The following SYNGR3 variants were observed in gnomAD, a reference collection of about 807,000 sequenced individuals.
SYNGR3 encodes the protein synaptogyrin-3.
SYNGR3 carries 10 observed loss-of-function variants against 18.5 expected under a neutral mutation model. That is an observed-to-expected ratio of 0.54 (90% confidence interval 0.33 to 0.92). SYNGR3 has a LOEUF of 0.92. Ranked by LOEUF, SYNGR3 falls within the 40% of genes least tolerant of loss-of-function variation. The pLI, the probability that SYNGR3 is intolerant of heterozygous loss-of-function variation, is 0.02. For synonymous variants in SYNGR3, 188 were observed against 157.2 expected (o/e 1.20, Z -1.47); for missense variants, 335 against 332.8 (o/e 1.01, Z -0.05).
chr16:1,993,142 C>T lies in SYNGR3; in HGVS notation c.*70C>T, dbSNP rs771723536. ...GCAGGCCCCAGGGTCTCCGGGACCT[C>T]CCTTGGGTCCTTCCAGCTCAGTGCC... On this transcript the variant is annotated 3_prime_UTR_variant, in exon 4 of 4. Coordinates refer to ENST00000248121, the MANE Select transcript of SYNGR3 (RefSeq NM_004209.6). 3.3e-6 allele frequency: 5 copies of T among 1,522,306 alleles called. No individual in the cohort carries two copies. The highest frequency in any genetic ancestry group is 4.4e-6 in the Non-Finnish European group (5 of 1,126,254). The allele number at this position is 1,522,306 out of a possible 1,614,324, so 94.3% of individuals were successfully genotyped here.
In SYNGR3 at chr16:1,992,787, G is replaced by A; in HGVS notation, c.480+9G>A. 2 of 1,538,630 alleles carry A rather than the reference G, an allele frequency of 1.3e-6. No homozygotes were observed. On this transcript the variant is annotated intron_variant, in intron 3 of 3. Transcript: ENST00000248121. ...TCTCCATCCTCAGCTGGGTGAGTGC[G>A]GGGCCCGGGAGGGCGGGGCGAAGGG...
Position 1,991,951 on chromosome 16 carries a change from C to G in SYNGR3, c.100-23C>G, listed in dbSNP as rs930800161. 1.9e-6 allele frequency: 3 copies of G among 1,577,866 alleles called. No individual in the cohort carries two copies. In the Admixed American group the frequency reaches 5.3e-5, roughly 28 times the overall value. On this transcript the variant is annotated intron_variant, in intron 1 of 3. Coordinates refer to ENST00000248121, the MANE Select transcript of SYNGR3 (RefSeq NM_004209.6). ...CGCAGAGGTCGGGTCGCCGCAGGGC[C>G]CTGAGCGCCGCGCCGCACGCAGGTG...
chr16:1,993,000 G>A lies in SYNGR3; in HGVS notation c.618G>A (p.Glu206=). 6.2e-7 allele frequency: 1 copy of A among 1,612,162 alleles called. No homozygotes were observed. Among genetic ancestry groups the A allele is most frequent in the South Asian group, 1.1e-5 (1 of 91,038 alleles). ...YPVGSGVEGT[E]TYQSPPFTET... ...TGGGCAGCGGCGTGGAGGGCACCGA[G>A]ACCTACCAGAGCCCGCCCTTCACCG... The change falls in exon 4 of 4, where the codon GAG becomes GAA. Residue 206 remains glutamate, a synonymous_variant. Transcript: ENST00000248121.
In SYNGR3 at chr16:1,990,167, G is replaced by A; in HGVS notation, c.65G>A (p.Arg22Gln). Residue 22 changes from arginine (R) to glutamine (Q), a missense_variant, in exon 1 of 4, where the codon CGG becomes CAG. Transcript: ENST00000248121. Reference protein sequence around the residue: ...GAALDPVSFARRPQTLLRVAS... With the variant: ...GAALDPVSFAQRPQTLLRVAS... ...GCCCTGGACCCCGTGAGCTTTGCGC[G>A]GCGGCCCCAGACCCTGCTCCGGGTC... The A allele has an allele frequency of 4.0e-6, 5 of 1,262,188 alleles. No homozygotes were observed. The highest frequency in any genetic ancestry group is 6.3e-5 in the East Asian group (2 of 31,502). The allele number at this position is 1,262,188 out of a possible 1,614,324, so 78.2% of individuals were successfully genotyped here. A position where few individuals can be genotyped will look rare whatever the true frequency, so the allele number is the denominator to read the frequency against.
intron 2 of SYNGR3, 36 bp from the exon 3 acceptor site, chr16:1,992,600 G>T (rs528801875): frequency 1.3e-6 from 2 of 1,576,568 alleles, no homozygotes; most frequent in Non-Finnish European, 8.6e-7. Flanking sequence ...GGGCCACCGC[G>T]TGGAGCGTCG....
At chr16:1,992,521 G>T (rs1045496417) in intron 2 of SYNGR3, 115 bp from the exon 3 acceptor site, 3 of 1,339,676 alleles carry the variant, frequency 2.2e-6, no homozygotes, top group Non-Finnish European at 2.9e-6. Flanking sequence ...CGCGCCACGC[G>T]GCGAGCCCAG....
rs2083605834 is a variant in SYNGR3, at chr16:1,991,913, C to T, written c.100-61C>T. 2.3e-5 allele frequency: 34 copies of T among 1,471,188 alleles called. No homozygotes were observed. In the South Asian group the frequency reaches 4.0e-4, roughly 17 times the overall value. The allele number at this position is 1,471,188 out of a possible 1,614,324, so 91.1% of individuals were successfully genotyped here. Reference sequence around the variant, plus strand: ...AGGGACAGGCCCAGGGGCGTGGGCGCTCGAGGCGGGCTCGCAGAGGTCGGG... The same window carrying T: ...AGGGACAGGCCCAGGGGCGTGGGCGTTCGAGGCGGGCTCGCAGAGGTCGGG... On this transcript the variant is annotated intron_variant, in intron 1 of 3. Coordinates refer to ENST00000248121, the MANE Select transcript of SYNGR3 (RefSeq NM_004209.6).
At chr16:1,992,829 T>TCCCGGCTGACCCCGCTGAC (rs1555487051) in intron 3 of SYNGR3, 34 bp from the exon 4 acceptor site, 17 of 1,515,094 alleles carry the variant, frequency 1.1e-5, no homozygotes, top group Non-Finnish European at 1.4e-5. Context: ...GCTCGGCTGA[T>TCCCGGCTGACCCCGCTGAC]CCCGGCTGAC....
At position 1,992,159 on chromosome 16, in the gene SYNGR3, C is replaced by T. The variant is rs1177313594; in HGVS notation, c.285C>T (p.Ile95=). 6.7e-7 allele frequency: 1 copy of T among 1,483,920 alleles called. No individual in the cohort carries two copies. The highest frequency in any genetic ancestry group is 1.3e-5 in the South Asian group (1 of 78,764). 91.9% of individuals were successfully genotyped at this position (1,483,920 alleles called of 1,614,324 possible). A position where few individuals can be genotyped will look rare whatever the true frequency, so the allele number is the denominator to read the frequency against. ...FLLLDVRFQQ[I]SSVRDRRRAV... is the part of the protein sequence containing the mutation. Reference sequence around the variant, plus strand: ...TGCTCGATGTGCGCTTCCAGCAAATCAGCAGCGTCCGCGACCGCCGGCGCG... The same window carrying T: ...TGCTCGATGTGCGCTTCCAGCAAATTAGCAGCGTCCGCGACCGCCGGCGCG... Residue 95 remains isoleucine, a synonymous_variant, in exon 2 of 4, where the codon ATC becomes ATT. Coordinates refer to ENST00000248121, the MANE Select transcript of SYNGR3 (RefSeq NM_004209.6).
Position 1,992,632 on chromosome 16 carries a change from G to C in SYNGR3, c.338-4G>C, listed in dbSNP as rs369268741. The C allele has an allele frequency of 9.8e-5, 157 of 1,602,256 alleles. 2 individuals are homozygous for C. In the African/African-American group the frequency reaches 2.0e-3, roughly 20 times the overall value. On this transcript the variant is annotated splice_polypyrimidine_tract_variant and splice_region_variant and intron_variant, in intron 2 of 3. Coordinates refer to ENST00000248121, the MANE Select transcript of SYNGR3 (RefSeq NM_004209.6). ...GTCGCCCTGACGCGCCGCACTGTTCGCAGGACTCTGGTCCTTCCTGTGGTT... is the reference window on the plus strand; with the variant it reads ...GTCGCCCTGACGCGCCGCACTGTTCCCAGGACTCTGGTCCTTCCTGTGGTT...
Position 1,992,886 on chromosome 16 carries a change from G to C in SYNGR3, c.504G>C (p.Leu168=), listed in dbSNP as rs1282144945. ...LSWVALTVKA[L]QRFRLGTDMS... ...AGGTGGCGCTCACCGTGAAGGCCCT[G>C]CAGCGGTTCCGCCTGGGCACCGACA... Residue 168 remains leucine, a synonymous_variant, in exon 4 of 4, where the codon CTG becomes CTC. Coordinates refer to ENST00000248121, the MANE Select transcript of SYNGR3 (RefSeq NM_004209.6). 2 of 1,596,356 alleles carry C rather than the reference G, an allele frequency of 1.3e-6. No individual in the cohort carries two copies. The highest frequency in any genetic ancestry group is 3.4e-5 in the Admixed American group (2 of 58,682).
In SYNGR3 at chr16:1,992,696, C is replaced by T. The variant is rs2083611107; in HGVS notation, c.398C>T (p.Thr133Met). The T allele has an allele frequency of 6.9e-6, 11 of 1,603,922 alleles. No individual in the cohort carries two copies. Among genetic ancestry groups the T allele is most frequent in the African/African-American group, 1.4e-5 (1 of 73,680 alleles). ...TTCCTCACCAATCAGTGGCAGCGCA[C>T]GGCGCCAGGGCCGGCCACGACGCAG... ...FCFLTNQWQRTAPGPATTQAG... is the reference protein window; with the variant it reads ...FCFLTNQWQRMAPGPATTQAG... Residue 133 changes from threonine (T) to methionine (M), a missense_variant, in exon 3 of 4, where the codon ACG (threonine) becomes ATG (methionine). By Grantham distance (81) the Thr-to-Met change is moderately conservative. Coordinates refer to ENST00000248121, the MANE Select transcript of SYNGR3 (RefSeq NM_004209.6).
rs148480247 is a variant in SYNGR3 at position 1,994,058 on chromosome 16, A to G, written c.*986A>G. 1.8e-3 allele frequency: 298 copies of G among 163,968 alleles called. 1 individual carries two copies. Among genetic ancestry groups the G allele is most frequent in the African/African-American group, 6.9e-3 (287 of 41,816 alleles). The allele number at this position is 163,968 out of a possible 1,614,324, so 10.2% of individuals were successfully genotyped here. A position where few individuals can be genotyped will look rare whatever the true frequency, so the allele number is the denominator to read the frequency against. On this transcript the variant is annotated 3_prime_UTR_variant, in exon 4 of 4. Coordinates refer to ENST00000248121, the MANE Select transcript of SYNGR3 (RefSeq NM_004209.6). Reference sequence around the variant, plus strand: ...ACACCAAACGTGGTTGCCACATTTCATCAGACAGACACCTCCCTCTGGAGA... The same window carrying G: ...ACACCAAACGTGGTTGCCACATTTCGTCAGACAGACACCTCCCTCTGGAGA...
At chr16:1,990,627 G>C in intron 1 of SYNGR3, 1 of 364,184 alleles carries the variant, frequency 2.7e-6, no homozygotes, top group Non-Finnish European at 5.7e-6. Flanking sequence ...ACACACCCTC[G>C]GGTCTCCTTG....
chr16:1,990,180 C>T lies in SYNGR3; in HGVS notation c.78C>T (p.Thr26=). ...DPVSFARRPQ[T]LLRVASWVFS... ...TGAGCTTTGCGCGGCGGCCCCAGAC[C>T]CTGCTCCGGGTCGCGTCCTGGGTGA... is the stretch of plus-strand genomic sequence containing the variant. The change falls in exon 1 of 4, where the codon ACC becomes ACT. Residue 26 remains threonine, a synonymous_variant. Transcript: ENST00000248121. The T allele has an allele frequency of 7.8e-7, 1 of 1,279,624 alleles. No homozygotes were observed. Among genetic ancestry groups the T allele is most frequent in the Middle Eastern group, 2.9e-4 (1 of 3,436 alleles). 79.3% of individuals were successfully genotyped at this position (1,279,624 alleles called of 1,614,324 possible). A position where few individuals can be genotyped will look rare whatever the true frequency, so the allele number is the denominator to read the frequency against.
Position 1,993,253 on chromosome 16 carries a change from C to T in SYNGR3, c.*181C>T. 8.3e-6 allele frequency: 6 copies of T among 726,616 alleles called. No homozygotes were observed. Among genetic ancestry groups the T allele is most frequent in the South Asian group, 7.2e-5 (4 of 55,692 alleles). The allele number at this position is 726,616 out of a possible 1,614,324, so 45.0% of individuals were successfully genotyped here. A position where few individuals can be genotyped will look rare whatever the true frequency, so the allele number is the denominator to read the frequency against. On this transcript the variant is annotated 3_prime_UTR_variant, in exon 4 of 4. Transcript: ENST00000248121. ...TCTGGGCTGCCCCTGCCAAGTTCCC[C>T]CAGTCCCTCAGCACCTGGCCCCAGG...
rs747552508 is a variant in SYNGR3, at chr16:1,993,095, G to A, written c.*23G>A. 8 of 1,594,268 alleles carry A rather than the reference G, an allele frequency of 5.0e-6. No individual in the cohort carries two copies. The highest frequency in any genetic ancestry group is 4.6e-5 in the East Asian group (2 of 43,372). ...TAGCGGCTGGCAGGCACAGACCAGGGCTCCAAGGCCACCCCACCAACGCAG... is the reference window on the plus strand; with the variant it reads ...TAGCGGCTGGCAGGCACAGACCAGGACTCCAAGGCCACCCCACCAACGCAG... On this transcript the variant is annotated 3_prime_UTR_variant, in exon 4 of 4. Transcript: ENST00000248121.
rs1203195476 is a variant in SYNGR3, at chr16:1,993,099, C to T, written c.*27C>T. On this transcript the variant is annotated 3_prime_UTR_variant, in exon 4 of 4. Coordinates refer to ENST00000248121, the MANE Select transcript of SYNGR3 (RefSeq NM_004209.6). ...GGCTGGCAGGCACAGACCAGGGCTC[C>T]AAGGCCACCCCACCAACGCAGGCCC... 6.3e-6 allele frequency: 10 copies of T among 1,591,118 alleles called. No homozygotes were observed. In the East Asian group the frequency reaches 2.3e-4, roughly 37 times the overall value.
In SYNGR3 at chr16:1,993,438, C is replaced by T. The variant is rs534317433; in HGVS notation, c.*366C>T. ...GATCAGGTGCAGGGGCTGCCCAGGA[C>T]AAAGCGGGGGCAGGGGAAAGACACC... On this transcript the variant is annotated 3_prime_UTR_variant, in exon 4 of 4. Coordinates refer to ENST00000248121, the MANE Select transcript of SYNGR3 (RefSeq NM_004209.6). 6 of 523,512 alleles carry T rather than the reference C, an allele frequency of 1.1e-5. No individual in the cohort carries two copies. The highest frequency in any genetic ancestry group is 9.9e-5 in the East Asian group (2 of 20,282). The allele number at this position is 523,512 out of a possible 1,614,324, so 32.4% of individuals were successfully genotyped here. A position where few individuals can be genotyped will look rare whatever the true frequency, so the allele number is the denominator to read the frequency against.
Sources: allele counts gnomAD v4.1 joint callset, GRCh38; gene constraint gnomAD v4.1.1; transcripts MANE v1.5; gene names NCBI Gene and HGNC (gene_info 2026-07-23, HGNC 2026-07-21).